The following OSBPL3 variants were observed in gnomAD, a reference collection of about 807,000 sequenced individuals.
The protein encoded by OSBPL3 is oxysterol binding protein like 3.
In OSBPL3, 65 loss-of-function variants were observed where a neutral mutation model predicts 120.1. The observed-to-expected ratio is 0.54, with a 90% CI of 0.44 to 0.67. OSBPL3 has a LOEUF of 0.67. Ranked by LOEUF, OSBPL3 falls within the 30% of genes least tolerant of loss-of-function variation. OSBPL3 has a pLI of 0.00. For synonymous variants in OSBPL3, 416 were observed against 402.6 expected, an observed-to-expected ratio of 1.03 and a Z score of -0.40; for missense variants, 1,004 against 1,082.1, an observed-to-expected ratio of 0.93 and a Z score of 1.01.
At chr7:24,826,919 A>G (rs764169794) in intron 16 of OSBPL3, among the ~76,000 whole-genome samples, 1 of 152,116 alleles carries the variant, frequency 6.6e-6, no homozygotes, top group East Asian at 1.9e-4. Flanking sequence ...GAACATCCAC[A>G]TGCCCAGCAA....
chr7:24,897,482 C>A (rs1358678892), intron 1 of OSBPL3, among the ~76,000 whole-genome samples: 3 of 151,502 alleles, frequency 2.0e-5, no homozygotes, highest in Non-Finnish European at 4.4e-5. Context: ...CCCGCTACCA[C>A]GCCCGGCTAA....
At chr7:24,929,798 A>G (rs570360421) in intron 1 of OSBPL3, among the ~76,000 whole-genome samples, 26 of 152,374 alleles carry the variant, frequency 1.7e-4, no homozygotes, top group African/African-American at 6.0e-4. Flanking sequence ...TTCCAAAAGC[A>G]TAAGTAATCA....
Position 24,871,548 on chromosome 7 carries a change from C to T in OSBPL3, c.267+194G>A, listed in dbSNP as rs12670857. ...ACTTTTGCATGCCCAGAGAGTGTTG[C>T]GGGAGCCCCTGCACCTTGACCTGGT... is the stretch of plus-strand genomic sequence containing the variant. On this transcript the variant is annotated intron_variant, in intron 4 of 22. Transcript: ENST00000313367. The surrounding 1 kb of genome is among the most constrained non-coding windows in gnomAD (Gnocchi z 4.8). 0.092 allele frequency among the ~76,000 whole-genome samples: 14,014 copies of T among 152,156 alleles called. 726 individuals carry two copies. The highest frequency in any genetic ancestry group is 0.13 in the African/African-American group (5,599 of 41,492).
chr7:24,877,411 A>G lies in OSBPL3; in HGVS notation c.97-5342T>C, dbSNP rs1803002743. On this transcript the variant is annotated intron_variant, in intron 2 of 22. Transcript: ENST00000313367. This position sits in a 1 kb window ranked among gnomAD's most constrained non-coding sequence, Gnocchi z 4.8. ...GTCTTCGCCATTCATTTTTTTTCAT[A>G]TTTGGAAAGCCTGCCCCATCTACCT... Among the ~76,000 whole-genome samples the G allele has an allele frequency of 6.6e-6, 1 of 151,888 alleles. No individual in the cohort carries two copies. The highest frequency in any genetic ancestry group is 2.1e-4 in the South Asian group (1 of 4,818).
At chr7:24,884,874 A>G (rs1283080711) in intron 2 of OSBPL3, among the ~76,000 whole-genome samples, 1 of 152,176 alleles carries the variant, frequency 6.6e-6, no homozygotes, top group African/African-American at 2.4e-5. Flanking sequence ...CGATGTTTCC[A>G]AGGTCCCTCC....
rs1423414011 is a variant in OSBPL3, at chr7:24,879,336, T to C, written c.97-7267A>G. ...GAGAAGATTAAAGAAAACAGGAGAC[T>C]GAGCAATGAAGCTCCCACTTGGGTT... On this transcript the variant is annotated intron_variant, in intron 2 of 22. Coordinates refer to ENST00000313367, the MANE Select transcript of OSBPL3 (RefSeq NM_015550.4). This position sits in a 1 kb window ranked among gnomAD's most constrained non-coding sequence, Gnocchi z 5.6. 1.3e-5 allele frequency among the ~76,000 whole-genome samples: 2 copies of C among 152,242 alleles called. No homozygotes were observed. The highest frequency in any genetic ancestry group is 1.5e-5 in the Non-Finnish European group (1 of 68,044).
In OSBPL3 at chr7:24,813,399, T is replaced by G. The variant is rs970810392; in HGVS notation, c.2172+1660A>C. Among the ~76,000 whole-genome samples, 1 of 152,106 alleles carries G rather than the reference T, an allele frequency of 6.6e-6. No individual in the cohort carries two copies. Among genetic ancestry groups the G allele is most frequent in the Non-Finnish European group, 1.5e-5 (1 of 68,032 alleles). On this transcript the variant is annotated intron_variant, in intron 19 of 22. Coordinates refer to ENST00000313367, the MANE Select transcript of OSBPL3 (RefSeq NM_015550.4). The surrounding 1 kb of genome is among the most constrained non-coding windows in gnomAD (Gnocchi z 4.5). ...TGCATGTAAGTGAATGAGAACAAGG[T>G]AGGTGGTAGATATGGGAGTGGAGCA...
chr7:24,928,603 C>T (rs534186045), intron 1 of OSBPL3, among the ~76,000 whole-genome samples: 8 of 152,286 alleles, frequency 5.3e-5, no homozygotes, highest in African/African-American at 1.9e-4. Flanking sequence ...ATGTATATGC[C>T]TATGTAACCA....
intron 1 of OSBPL3, among the ~76,000 whole-genome samples, chr7:24,962,829 T>C (rs1028278210): frequency 6.6e-6 from 1 of 152,234 alleles, no homozygotes; most frequent in African/African-American, 2.4e-5. Context: ...ACTGTCCTTA[T>C]GCTGGATGAG....
chr7:24,840,590 A>G (rs1797621051), intron 14 of OSBPL3, 100 bp downstream of exon 14: 1 of 518,072 alleles, frequency 1.9e-6, no homozygotes, highest in Non-Finnish European at 3.4e-6. Flanking sequence ...ATGGGGTATC[A>G]GCACCTTGAA....
At position 24,922,762 on chromosome 7, in the gene OSBPL3, A is replaced by C. The variant is rs80011330; in HGVS notation, c.-149-30141T>G. 0.035 allele frequency among the ~76,000 whole-genome samples: 5,383 copies of C among 152,140 alleles called. 123 individuals are homozygous for C. Among genetic ancestry groups the C allele is most frequent in the Non-Finnish European group, 0.054 (3,705 of 67,994 alleles). On this transcript the variant is annotated intron_variant, in intron 1 of 22. Transcript: ENST00000313367. This position sits in a 1 kb window ranked among gnomAD's most constrained non-coding sequence, Gnocchi z 4.3. ...GCACGTAATCCCCTAGTCCTGCTTC[A>C]GGCTTCAGGTCAAGGATCTCTGTCC...
In OSBPL3 at chr7:24,896,024, A is replaced by G. The variant is rs1468658049; in HGVS notation, c.-149-3403T>C. On this transcript the variant is annotated intron_variant, in intron 1 of 22. Transcript: ENST00000313367. The surrounding 1 kb of genome is among the most constrained non-coding windows in gnomAD (Gnocchi z 4.4). ...ATCTTTTTGCAGATTGCTGTCCCTG[A>G]GTAAATCTCTCCTGCAAGTACTTGT... 6.6e-6 allele frequency among the ~76,000 whole-genome samples: 1 copy of G among 152,186 alleles called. No individual in the cohort carries two copies. The highest frequency in any genetic ancestry group is 1.5e-5 in the Non-Finnish European group (1 of 68,030).
In OSBPL3 at chr7:24,894,145, T is replaced by G. The variant is rs894698478; in HGVS notation, c.-149-1524A>C. Among the ~76,000 whole-genome samples the G allele has an allele frequency of 2.6e-5, 4 of 151,548 alleles. No individual in the cohort carries two copies. The highest frequency in any genetic ancestry group is 9.8e-5 in the African/African-American group (4 of 40,818). On this transcript the variant is annotated intron_variant, in intron 1 of 22. Transcript: ENST00000313367. This position sits in a 1 kb window ranked among gnomAD's most constrained non-coding sequence, Gnocchi z 4.1. ...CTCTTTCCTACACCTTCATTAACAC[T>G]TAGTTCTTCAAAAATAAAAAAGAGT...
chr7:24,928,091 G>GC (rs1212086931), intron 1 of OSBPL3, among the ~76,000 whole-genome samples: 1 of 152,024 alleles, frequency 6.6e-6, no homozygotes, highest in Non-Finnish European at 1.5e-5. Flanking sequence ...AGATGTGTCT[G>GC]CTCCCCCTTC....
At position 24,980,002 on chromosome 7, in the gene OSBPL3, T is replaced by C. The variant is rs1041974901; in HGVS notation, c.-266A>G. 6 of 985,062 alleles carry C rather than the reference T, an allele frequency of 6.1e-6. No homozygotes were observed. Among genetic ancestry groups the C allele is most frequent in the Middle Eastern group, 5.2e-4 (1 of 1,928 alleles). 61.0% of individuals were successfully genotyped at this position (985,062 alleles called of 1,614,324 possible). A position where few individuals can be genotyped will look rare whatever the true frequency, so the allele number is the denominator to read the frequency against. ...CTCCGGTACCCCCGCAACGTGCAGCTGACAGCTCCCGCACCGGCCGCAGGA... is the reference window on the plus strand; with the variant it reads ...CTCCGGTACCCCCGCAACGTGCAGCCGACAGCTCCCGCACCGGCCGCAGGA... On this transcript the variant is annotated 5_prime_UTR_variant, in exon 1 of 23. Coordinates refer to ENST00000313367, the MANE Select transcript of OSBPL3 (RefSeq NM_015550.4).
Position 24,800,115 on chromosome 7 carries a change from A to G in OSBPL3, c.*68T>C, listed in dbSNP as rs1792112535. ...GAGTATCTTTTAAATATATAAACAC[A>G]GGTTTGTGCCACTTCAGAAGGCAAG... is the stretch of plus-strand genomic sequence containing the variant. On this transcript the variant is annotated 3_prime_UTR_variant, in exon 23 of 23. Transcript: ENST00000313367. 1 of 826,530 alleles carries G rather than the reference A, an allele frequency of 1.2e-6. No individual in the cohort carries two copies. Among genetic ancestry groups the G allele is most frequent in the Non-Finnish European group, 2.1e-6 (1 of 475,870 alleles). 51.2% of individuals were successfully genotyped at this position (826,530 alleles called of 1,614,324 possible). A position where few individuals can be genotyped will look rare whatever the true frequency, so the allele number is the denominator to read the frequency against.
intron 14 of OSBPL3, among the ~76,000 whole-genome samples, chr7:24,837,658 C>A (rs1280322081): frequency 6.6e-6 from 1 of 152,224 alleles, no homozygotes; most frequent in African/African-American, 2.4e-5. Context: ...CTGTGACAGG[C>A]AGTCTTCTAA....
At chr7:24,825,861 A>C (rs1385758693) in intron 16 of OSBPL3, among the ~76,000 whole-genome samples, 3 of 152,244 alleles carry the variant, frequency 2.0e-5, no homozygotes, top group African/African-American at 7.2e-5. Flanking sequence ...CTTACATTTT[A>C]GTAACTTTTA....
At chr7:24,931,543 G>C (rs148955815) in intron 1 of OSBPL3, among the ~76,000 whole-genome samples, 1 of 152,286 alleles carries the variant, frequency 6.6e-6, no homozygotes, top group Non-Finnish European at 1.5e-5. Context: ...AATGCAAGCA[G>C]CCTCTAGAAG....
Sources: allele counts gnomAD v4.1 joint callset (sites outside exome capture counted in the v4.1 genomes callset), GRCh38; gene constraint gnomAD v4.1.1; non-coding constraint Gnocchi (gnomAD v3.1); transcripts MANE v1.5; gene names NCBI Gene and HGNC (gene_info 2026-07-23, HGNC 2026-07-21).